Variants in ACSS3 observed in about 807,000 individuals in gnomAD.
The protein encoded by ACSS3 is acyl-CoA synthetase short chain family member 3.
In ACSS3, 64 loss-of-function variants were observed where a neutral mutation model predicts 84.2. That is an observed-to-expected ratio of 0.76 (90% CI 0.62 to 0.94). The LOEUF (loss-of-function observed/expected upper bound fraction) is 0.94. Among genes scored for constraint, ACSS3 ranks in the 40% least tolerant of loss-of-function variants. The pLI is 0.00. For synonymous variants in ACSS3, 317 were observed against 310.1 expected, an observed-to-expected ratio of 1.02 and a Z score of -0.23; for missense variants, 815 against 867.6, an observed-to-expected ratio of 0.94 and a Z score of 0.76.
chr12:81,125,139 G>A (rs547821452), intron 2 of ACSS3, among the ~76,000 whole-genome samples: 2 of 152,156 alleles, frequency 1.3e-5, no homozygotes, highest in African/African-American at 2.4e-5. Context: ...GCGTGAATCC[G>A]GGAGGCGGAG....
chr12:81,232,959 T>C (rs1593225640), intron 12 of ACSS3, among the ~76,000 whole-genome samples: 1 of 151,668 alleles, frequency 6.6e-6, no homozygotes, highest in East Asian at 1.9e-4. Context: ...AAATTATTCA[T>C]TGGGAGCTTT....
intron 11 of ACSS3, among the ~76,000 whole-genome samples, chr12:81,224,628 C>T (rs962613315): frequency 6.6e-6 from 1 of 150,670 alleles, no homozygotes; most frequent in African/African-American, 2.4e-5. Context: ...CCCTATTATC[C>T]GTAGTTTCAC....
intron 13 of ACSS3, among the ~76,000 whole-genome samples, chr12:81,233,690 T>TA (rs113657860): frequency 4.2e-4 from 64 of 151,748 alleles, no homozygotes; most frequent in African/African-American, 1.5e-3. Flanking sequence ...TTTAAACACT[T>TA]ACATATATTT....
At chr12:81,103,105 C>T (rs1464481531) in intron 1 of ACSS3, among the ~76,000 whole-genome samples, 2 of 152,064 alleles carry the variant, frequency 1.3e-5, no homozygotes, top group African/African-American at 2.4e-5. Context: ...AGTAACAACA[C>T]AGGATTAATT....
At chr12:81,253,198 A>T in intron 13 of ACSS3, 109 bp from the exon 14 acceptor site, 1 of 1,214,178 alleles carries the variant, frequency 8.2e-7, no homozygotes, top group Non-Finnish European at 1.2e-6. Flanking sequence ...TTTTTCCCCA[A>T]CTGAAATTAT....
At position 81,224,551 on chromosome 12, in the gene ACSS3, C is replaced by CAT. The variant is rs544655798; in HGVS notation, c.1514+4485_1514+4486dup. On this transcript the variant is annotated intron_variant, in intron 11 of 15. Coordinates refer to ENST00000548058, the MANE Select transcript of ACSS3 (RefSeq NM_024560.4). ...ATATATATATGCATATACATACATA[C>CAT]ATATATATATACACACACACACATG... 1.0e-3 allele frequency among the ~76,000 whole-genome samples: 134 copies of CAT among 129,284 alleles called. 1 individual carries two copies. Among genetic ancestry groups the CAT allele is most frequent in the Admixed American group, 2.9e-3 (36 of 12,432 alleles). The allele number at this position is 129,284 out of a possible 152,430, so 84.8% of individuals were successfully genotyped here.
At chr12:81,233,217 A>T in intron 12 of ACSS3, 132 bp from the exon 13 acceptor site, 1 of 929,202 alleles carries the variant, frequency 1.1e-6, no homozygotes, top group Non-Finnish European at 1.6e-6. Context: ...GTAATTTCCT[A>T]GTCTAGTTAC....
intron 2 of ACSS3, among the ~76,000 whole-genome samples, chr12:81,119,341 G>A (rs1241912127): frequency 6.6e-6 from 1 of 152,152 alleles, no homozygotes; most frequent in Non-Finnish European, 1.5e-5. Context: ...CCTGATAAGG[G>A]TCTAGGTTCA....
At chr12:81,118,999 C>T (rs940167666) in intron 2 of ACSS3, among the ~76,000 whole-genome samples, 3 of 152,092 alleles carry the variant, frequency 2.0e-5, no homozygotes, top group East Asian at 1.9e-4. Flanking sequence ...AACCCACCCC[C>T]GATATTTCGT....
intron 2 of ACSS3, among the ~76,000 whole-genome samples, chr12:81,113,794 G>A (rs887560757): frequency 6.6e-6 from 1 of 152,050 alleles, no homozygotes; most frequent in Non-Finnish European, 1.5e-5. Context: ...CAGCTTGGTA[G>A]TTCAAGATGA....
chr12:81,100,598 A>G (rs895440738), intron 1 of ACSS3, among the ~76,000 whole-genome samples: 18 of 152,230 alleles, frequency 1.2e-4, no homozygotes, highest in African/African-American at 4.3e-4. Context: ...GATCTTAAGA[A>G]TCTTATATCA....
intron 13 of ACSS3, among the ~76,000 whole-genome samples, chr12:81,237,606 G>C (rs1180111028): frequency 3.3e-5 from 5 of 151,458 alleles, no homozygotes; most frequent in African/African-American, 1.2e-4. Flanking sequence ...TAAATCTTCT[G>C]CATTTCTGTT....
chr12:81,134,626 T>C (rs1363290477), intron 2 of ACSS3, among the ~76,000 whole-genome samples, 190 bp from the exon 3 acceptor site: 1 of 152,168 alleles, frequency 6.6e-6, no homozygotes, highest in Non-Finnish European at 1.5e-5. Context: ...TGGTTTATAA[T>C]CAATGATTAT....
intron 8 of ACSS3, among the ~76,000 whole-genome samples, chr12:81,180,501 A>G (rs1409155943): frequency 6.6e-6 from 1 of 152,104 alleles, no homozygotes; most frequent in African/African-American, 2.4e-5. Flanking sequence ...GTATCTATCT[A>G]TGTATCTATC....
rs115428323 is a variant in ACSS3 at position 81,168,439 on chromosome 12, T to C, written c.1099-6349T>C. Among the ~76,000 whole-genome samples, 134 of 152,308 alleles carry C rather than the reference T, an allele frequency of 8.8e-4. 2 individuals carry two copies. The highest frequency in any genetic ancestry group is 3.2e-3 in the African/African-American group (131 of 41,580). On this transcript the variant is annotated intron_variant, in intron 7 of 15. Coordinates refer to ENST00000548058, the MANE Select transcript of ACSS3 (RefSeq NM_024560.4). ...CATACCTTAATTTAATTTCAGAATATCCATGAACTCCTCTGAAGTTCGAGT... is the reference window on the plus strand; with the variant it reads ...CATACCTTAATTTAATTTCAGAATACCCATGAACTCCTCTGAAGTTCGAGT...
At chr12:81,123,008 C>A (rs934397122) in intron 2 of ACSS3, among the ~76,000 whole-genome samples, 7 of 152,058 alleles carry the variant, frequency 4.6e-5, no homozygotes, top group Non-Finnish European at 1.0e-4. Context: ...GGGTTCCAGT[C>A]TGGCCACCCA....
Position 81,254,859 on chromosome 12 carries a change from A to G in ACSS3, c.1998A>G (p.Ile666Met). Reference protein sequence around the residue: ...SAIVNGKPYKITSTIEDPSIF... With the variant: ...SAIVNGKPYKMTSTIEDPSIF... Reference sequence around the variant, plus strand: ...CCTGACCCTAATTTTTTTTCCAGATAACTTCTACAATTGAAGACCCCAGCA... The same window carrying G: ...CCTGACCCTAATTTTTTTTCCAGATGACTTCTACAATTGAAGACCCCAGCA... Residue 666 changes from isoleucine (I) to methionine (M), a missense_variant and splice_region_variant, in exon 16 of 16, where the codon ATA becomes ATG. By Grantham distance (10) the Ile-to-Met change is conservative. Transcript: ENST00000548058. 1 of 1,604,094 alleles carries G rather than the reference A, an allele frequency of 6.2e-7. No homozygotes were observed. The highest frequency in any genetic ancestry group is 1.1e-5 in the South Asian group (1 of 88,594).
intron 8 of ACSS3, among the ~76,000 whole-genome samples, chr12:81,185,033 T>C (rs2031172140): frequency 6.6e-6 from 1 of 151,718 alleles, no homozygotes; most frequent in Non-Finnish European, 1.5e-5. Flanking sequence ...ATACATTGTG[T>C]TCATGTGAGA....
intron 2 of ACSS3, among the ~76,000 whole-genome samples, chr12:81,126,503 G>A (rs573449360): frequency 6.6e-6 from 1 of 152,182 alleles, no homozygotes; most frequent in East Asian, 1.9e-4. Context: ...CAGAAATACT[G>A]TTTTAAAATT....
Sources: gnomAD v4.1 joint callset for allele counts (sites outside exome capture counted in the v4.1 genomes callset) on GRCh38, gnomAD v4.1.1 for gene constraint, MANE v1.5 for transcripts, NCBI Gene and HGNC (gene_info 2026-07-23, HGNC 2026-07-21) for gene names.